The following TBCK variants were observed in gnomAD, a reference collection of about 807,000 sequenced individuals.
The protein encoded by TBCK is TBC1 domain containing kinase.
TBCK carries 99 observed loss-of-function variants against 113.4 expected under a neutral mutation model. The ratio of observed to expected loss-of-function variants is 0.87; its 90% CI spans 0.74 to 1.03. TBCK has a LOEUF of 1.03. TBCK is among the 50% of genes least tolerant of loss of function. TBCK has a pLI of 0.00. For missense variants in TBCK, 1,045 were observed against 1,061.3 expected, an observed-to-expected ratio of 0.98 and a Z score of 0.21; for synonymous variants, 369 against 370.8, an observed-to-expected ratio of 1.00 and a Z score of 0.05.
In TBCK at chr4:106,057,527, G is replaced by A. The variant is rs372912383; in HGVS notation, c.2572-10847C>T. Among the ~76,000 whole-genome samples the A allele has an allele frequency of 7.9e-5, 12 of 151,676 alleles. No homozygotes were observed. The East Asian group carries it at 1.2e-3, about 15-fold the overall frequency. ...GTCCTCTATCATAATCAGATTCTCCGTACCTTTCCAGCTTTATCAGCAGCC... is the reference window on the plus strand; with the variant it reads ...GTCCTCTATCATAATCAGATTCTCCATACCTTTCCAGCTTTATCAGCAGCC... On this transcript the variant is annotated intron_variant, in intron 25 of 25. Coordinates refer to ENST00000394708, the MANE Select transcript of TBCK (RefSeq NM_001163435.3).
At chr4:106,255,949 G>T (rs1013333660) in intron 5 of TBCK, among the ~76,000 whole-genome samples, 1 of 152,156 alleles carries the variant, frequency 6.6e-6, no homozygotes, top group Admixed American at 6.5e-5. Context: ...AGACCCTAGG[G>T]TGGATAGCTT....
rs962500324 is a variant in TBCK at position 106,230,406 on chromosome 4, G to C, written c.1731C>G (p.Tyr577Ter). 9 of 1,602,816 alleles carry C rather than the reference G, an allele frequency of 5.6e-6. No individual in the cohort carries two copies. The Admixed American group carries it at 1.0e-4, about 18-fold the overall frequency. ...YACMSAFIPK[Y>*]LYNFFLKDNS... ...TGTCTTTTAAGAAGAAGTTATACAG[G>C]TATTTGGGAATAAAAGCAGACATAC... The change falls in exon 19 of 26, where the codon TAC becomes TAG. Residue 577 changes from tyrosine to a stop codon, truncating the protein, a stop_gained. Coordinates refer to ENST00000394708, the MANE Select transcript of TBCK (RefSeq NM_001163435.3). LOFTEE classifies it high-confidence loss of function.
chr4:106,147,039 T>C (rs1389873054), intron 23 of TBCK, among the ~76,000 whole-genome samples: 3 of 152,218 alleles, frequency 2.0e-5, no homozygotes, highest in African/African-American at 7.2e-5. Flanking sequence ...CCTCATCCAT[T>C]CAAGTTTTAC....
chr4:106,121,025 G>A (rs976543035), intron 23 of TBCK, among the ~76,000 whole-genome samples: 12 of 152,016 alleles, frequency 7.9e-5, no homozygotes, highest in Admixed American at 2.0e-4. Context: ...TCTGAGCTAC[G>A]GGAGGACATT....
chr4:106,168,404 C>A (rs1750634455), intron 23 of TBCK, among the ~76,000 whole-genome samples: 1 of 151,756 alleles, frequency 6.6e-6, no homozygotes, highest in African/African-American at 2.4e-5. Flanking sequence ...CTGGTGACAC[C>A]CTAGAAGCCT....
At chr4:106,123,273 T>C (rs970652236) in intron 23 of TBCK, among the ~76,000 whole-genome samples, 5 of 152,194 alleles carry the variant, frequency 3.3e-5, no homozygotes, top group Admixed American at 2.0e-4. Flanking sequence ...CCATTCACAA[T>C]TGCTTCAAAG....
chr4:106,190,504 T>C (rs1376871535), intron 22 of TBCK, among the ~76,000 whole-genome samples: 1 of 152,216 alleles, frequency 6.6e-6, no homozygotes, highest in Non-Finnish European at 1.5e-5. Context: ...TAGATGAATA[T>C]GAACATTTGT....
intron 20 of TBCK, among the ~76,000 whole-genome samples, chr4:106,197,432 T>TATATATATATATAA: frequency 6.8e-6 from 1 of 146,476 alleles, no homozygotes; most frequent in South Asian, 2.1e-4. Flanking sequence ...TATATATATA[T>TATATATATATATAA]AATACAAAGT....
intron 2 of TBCK, among the ~76,000 whole-genome samples, chr4:106,297,068 A>C (rs1277263381): frequency 6.6e-5 from 10 of 152,060 alleles, no homozygotes; most frequent in Admixed American, 6.6e-4. Flanking sequence ...CCCTCCCCTC[A>C]GTATCCTCTG....
At chr4:106,136,798 G>GCTC (rs1222258237) in intron 23 of TBCK, among the ~76,000 whole-genome samples, 1 of 140,980 alleles carries the variant, frequency 7.1e-6, no homozygotes, top group African/African-American at 2.5e-5. Flanking sequence ...TATACCATGA[G>GCTC]CTCCTGTTTT....
At chr4:106,123,925 C>G (rs1237075712) in intron 23 of TBCK, among the ~76,000 whole-genome samples, 1 of 150,804 alleles carries the variant, frequency 6.6e-6, no homozygotes, top group Admixed American at 6.6e-5. Context: ...CATTACCATT[C>G]AGGACATAGG....
At chr4:106,192,505 C>T (rs924011879) in intron 22 of TBCK, among the ~76,000 whole-genome samples, 3 of 151,986 alleles carry the variant, frequency 2.0e-5, no homozygotes, top group Non-Finnish European at 4.4e-5. Flanking sequence ...CTAAACTATT[C>T]ATTCATAGTA....
chr4:106,106,824 C>T (rs1435586419), intron 24 of TBCK, among the ~76,000 whole-genome samples: 1 of 152,072 alleles, frequency 6.6e-6, no homozygotes, highest in African/African-American at 2.4e-5. Flanking sequence ...GAAAATACCC[C>T]ACTTAAAAGG....
At chr4:106,198,828 C>T (rs780856796) in intron 20 of TBCK, among the ~76,000 whole-genome samples, 9 of 151,968 alleles carry the variant, frequency 5.9e-5, no homozygotes, top group African/African-American at 1.9e-4. Context: ...GTCAGACATA[C>T]GAACAGATAC....
chr4:106,056,567 T>G (rs1028613142), intron 25 of TBCK, among the ~76,000 whole-genome samples: 2 of 88,514 alleles, frequency 2.3e-5, no homozygotes, highest in Non-Finnish European at 6.0e-5. Context: ...ATCCATTCCT[T>G]TTTTTTTTTT....
chr4:106,156,969 T>A (rs557957252), intron 23 of TBCK, among the ~76,000 whole-genome samples: 9 of 152,026 alleles, frequency 5.9e-5, no homozygotes, highest in South Asian at 4.2e-4. Flanking sequence ...ATGTGCTGAG[T>A]TTCACCTGAA....
At chr4:106,212,179 T>A (rs900892857) in intron 20 of TBCK, among the ~76,000 whole-genome samples, 3 of 152,198 alleles carry the variant, frequency 2.0e-5, no homozygotes, top group African/African-American at 7.2e-5. Context: ...TGATAAGTAA[T>A]AATTGTATAC....
rs1011029179 is a variant in TBCK at position 106,308,658 on chromosome 4, A to T, written c.193+110T>A. On this transcript the variant is annotated intron_variant, in intron 2 of 25. Coordinates refer to ENST00000394708, the MANE Select transcript of TBCK (RefSeq NM_001163435.3). ...GGAAAAGGATGAGAGAAAGAAGGACATGTGTGCACTGGTACTGATGATAGC... is the reference window on the plus strand; with the variant it reads ...GGAAAAGGATGAGAGAAAGAAGGACTTGTGTGCACTGGTACTGATGATAGC... 3.2e-6 allele frequency: 3 copies of T among 938,044 alleles called. No individual in the cohort carries two copies. The African/African-American group carries it at 5.1e-5, about 16-fold the overall frequency. 58.1% of individuals were successfully genotyped at this position (938,044 alleles called of 1,614,324 possible). A position where few individuals can be genotyped will look rare whatever the true frequency, so the allele number is the denominator to read the frequency against.
intron 25 of TBCK, among the ~76,000 whole-genome samples, chr4:106,066,588 A>G (rs935996838): frequency 1.3e-5 from 2 of 151,884 alleles, no homozygotes; most frequent in African/African-American, 4.8e-5. Flanking sequence ...GGTTTTAAGT[A>G]CGCTTGCAAT....
Sources: gnomAD v4.1 joint callset for allele counts (sites outside exome capture counted in the v4.1 genomes callset) on GRCh38, gnomAD v4.1.1 for gene constraint, MANE v1.5 for transcripts, NCBI Gene and HGNC (gene_info 2026-07-23, HGNC 2026-07-21) for gene names.